CYFIP2: variants seen among roughly 807,000 people sequenced by gnomAD.
CYFIP2 encodes the protein cytoplasmic FMR1-interacting protein 2.
In CYFIP2, 29 loss-of-function variants were observed where a neutral mutation model predicts 158.7. That is an observed-to-expected ratio of 0.18 (90% CI 0.14 to 0.25). The LOEUF (loss-of-function observed/expected upper bound fraction) is 0.25, where lower values mean the gene tolerates loss of function less well. Ranked by LOEUF, CYFIP2 falls within the 10% of genes least tolerant of loss-of-function variation. The pLI is 1.00. For missense variants in CYFIP2, 852 were observed against 1,639.5 expected (o/e 0.52, Z 8.29); for synonymous variants, 585 against 617.6 (o/e 0.95, Z 0.78).
chr5:157,324,605 A>T (rs1026309562), intron 16 of CYFIP2, among the ~76,000 whole-genome samples: 3 of 152,192 alleles, frequency 2.0e-5, no homozygotes, highest in Admixed American at 6.5e-5. Flanking sequence ...CTTCTCCATT[A>T]GAGAGTAGCC....
At chr5:157,270,584 A>G (rs1756009707) in intron 1 of CYFIP2, among the ~76,000 whole-genome samples, 1 of 152,238 alleles carries the variant, frequency 6.6e-6, no homozygotes, top group Non-Finnish European at 1.5e-5. Context: ...TTGGCAAGAT[A>G]TGAATGGCAA....
chr5:157,373,256 G>C (rs1034762012), intron 26 of CYFIP2, among the ~76,000 whole-genome samples: 2 of 152,138 alleles, frequency 1.3e-5, no homozygotes, highest in Non-Finnish European at 2.9e-5. Flanking sequence ...TACAGAGAAA[G>C]AAACTGAGGT....
intron 26 of CYFIP2, among the ~76,000 whole-genome samples, chr5:157,367,431 G>A (rs1276586786): frequency 1.3e-5 from 2 of 152,164 alleles, no homozygotes; most frequent in Non-Finnish European, 2.9e-5. Context: ...GGAAAACTGA[G>A]GCCCAAGAGG....
At chr5:157,304,841 T>C (rs1035667913) in intron 8 of CYFIP2, 2 of 154,332 alleles carry the variant, frequency 1.3e-5, no homozygotes, top group Non-Finnish European at 2.9e-5. Flanking sequence ...TGGTAATTTC[T>C]GAGATTTTGG....
intron 1 of CYFIP2, among the ~76,000 whole-genome samples, chr5:157,270,728 T>C (rs1756022304): frequency 6.6e-6 from 1 of 152,174 alleles, no homozygotes; most frequent in Non-Finnish European, 1.5e-5. Flanking sequence ...TCTAAAGAAC[T>C]CTCCTCAGAT....
At chr5:157,277,326 T>C (rs1271985096) in intron 1 of CYFIP2, among the ~76,000 whole-genome samples, 1 of 152,220 alleles carries the variant, frequency 6.6e-6, no homozygotes, top group East Asian at 1.9e-4. Flanking sequence ...CCACTGAGTC[T>C]GGCCTTATCT....
intron 1 of CYFIP2, among the ~76,000 whole-genome samples, chr5:157,282,863 G>A (rs1757097034): frequency 6.6e-6 from 1 of 152,220 alleles, no homozygotes; most frequent in African/African-American, 2.4e-5. Context: ...AAATGAGATA[G>A]GACACCTTTC....
chr5:157,272,929 T>C (rs1292627308), intron 1 of CYFIP2, among the ~76,000 whole-genome samples: 1 of 152,188 alleles, frequency 6.6e-6, no homozygotes, highest in Non-Finnish European at 1.5e-5. Flanking sequence ...TGCAGTGGCG[T>C]GATCTCAGCT....
At chr5:157,339,316 C>T in intron 22 of CYFIP2, 60 bp downstream of exon 22, 1 of 1,483,954 alleles carries the variant, frequency 6.7e-7, no homozygotes, top group South Asian at 1.2e-5. Flanking sequence ...CCAGCTGCCT[C>T]CTCCAAACTA....
chr5:157,275,593 A>G (rs1418963605), intron 1 of CYFIP2, among the ~76,000 whole-genome samples: 3 of 152,182 alleles, frequency 2.0e-5, no homozygotes, highest in Non-Finnish European at 4.4e-5. Context: ...ATTTTTGTTC[A>G]GTTCCTCCCA....
At chr5:157,390,735 A>G in intron 30 of CYFIP2, 67 bp downstream of exon 30, 1 of 1,548,644 alleles carries the variant, frequency 6.5e-7, no homozygotes, top group Non-Finnish European at 8.7e-7. Context: ...TTACCAGAAA[A>G]GCAAACAAGG....
chr5:157,286,531 T>C (rs73302163), intron 2 of CYFIP2, among the ~76,000 whole-genome samples: 2,893 of 143,908 alleles, frequency 0.02, 103 homozygotes, highest in African/African-American at 0.071. Flanking sequence ...TAAAAGTCCA[T>C]TTATGGATAT....
intron 23 of CYFIP2, among the ~76,000 whole-genome samples, chr5:157,356,380 C>T (rs903740660): frequency 6.6e-6 from 1 of 152,128 alleles, no homozygotes; most frequent in Non-Finnish European, 1.5e-5. Flanking sequence ...ATCATATTGG[C>T]GGTTAGGATT....
chr5:157,347,929 G>C (rs772699052), intron 23 of CYFIP2, among the ~76,000 whole-genome samples: 5 of 152,240 alleles, frequency 3.3e-5, no homozygotes, highest in Non-Finnish European at 5.9e-5. Context: ...GCTCCTCTGA[G>C]CTGTCGCCGC....
rs1208087011 is a variant in CYFIP2 at position 157,302,781 on chromosome 5, A to C, written c.570-13A>C. On this transcript the variant is annotated splice_polypyrimidine_tract_variant and intron_variant, in intron 6 of 30. Transcript: ENST00000620254. ...GACAGTCCTCTCTGCAGCACCCACT[A>C]TCTGCGTTTCAGGGCAGCACAGTTC... 12 of 1,564,544 alleles carry C rather than the reference A, an allele frequency of 7.7e-6. No individual in the cohort carries two copies. The highest frequency in any genetic ancestry group is 1.2e-5 in the South Asian group (1 of 84,670).
chr5:157,322,539 A>G (rs933217253), intron 15 of CYFIP2, among the ~76,000 whole-genome samples: 3 of 152,250 alleles, frequency 2.0e-5, no homozygotes, highest in Admixed American at 1.3e-4. Context: ...AGAGGCCGTC[A>G]TGAGAAGAGT....
intron 13 of CYFIP2, among the ~76,000 whole-genome samples, chr5:157,319,231 T>C (rs1027181627): frequency 2.6e-5 from 4 of 152,098 alleles, no homozygotes; most frequent in African/African-American, 7.2e-5. Flanking sequence ...GTAGAGGCAT[T>C]CTCCCCCATG....
Position 157,300,766 on chromosome 5 carries a change from G to A in CYFIP2, c.439G>A (p.Glu147Lys), listed in dbSNP as rs779775850. 1.2e-6 allele frequency: 2 copies of A among 1,612,742 alleles called. No individual in the cohort carries two copies. Among genetic ancestry groups the A allele is most frequent in the Non-Finnish European group, 1.7e-6 (2 of 1,179,182 alleles). ...CGAGGTGAAGCGGCTGTGCCATGCC[G>A]AGCGCAGGAAGGACTTTGTCTCTGA... is the stretch of plus-strand genomic sequence containing the variant. Reference protein sequence around the residue: ...CSEVKRLCHAERRKDFVSEAY... With the variant: ...CSEVKRLCHAKRRKDFVSEAY... Residue 147 changes from glutamate (E) to lysine (K), a missense_variant, in exon 6 of 31, where the codon GAG becomes AAG. Coordinates refer to ENST00000620254, the MANE Select transcript of CYFIP2 (RefSeq NM_001037333.3).
chr5:157,378,012 C>T (rs1475055597), intron 26 of CYFIP2, among the ~76,000 whole-genome samples: 2 of 152,124 alleles, frequency 1.3e-5, no homozygotes, highest in Admixed American at 1.3e-4. Context: ...AAAGCAAAGG[C>T]ACTGTGGGCT....
Sources: allele counts gnomAD v4.1 joint callset (sites outside exome capture counted in the v4.1 genomes callset), GRCh38; gene constraint gnomAD v4.1.1; transcripts MANE v1.5; gene names NCBI Gene and HGNC (gene_info 2026-07-23, HGNC 2026-07-21).